Variants in STX7 observed in about 807,000 individuals in gnomAD.
The protein encoded by STX7 is syntaxin 7, also known as syntaxin-7.
Under a neutral mutation model 39.6 loss-of-function variants are expected in STX7, and 34 were observed. The observed-to-expected ratio is 0.86, with a 90% CI of 0.65 to 1.14. The LOEUF (loss-of-function observed/expected upper bound fraction) is 1.14. Among genes scored for constraint, STX7 ranks in the 50% most tolerant of loss-of-function variants. The pLI is 0.00. For missense variants in STX7, 284 were observed against 310.4 expected, an observed-to-expected ratio of 0.92 and a Z score of 0.64; for synonymous variants, 119 against 99.1, an observed-to-expected ratio of 1.20 and a Z score of -1.19.
rs1280258429 is a variant in STX7, at chr6:132,460,586, A to G, written c.*172T>C. 4 of 455,446 alleles carry G rather than the reference A, an allele frequency of 8.8e-6. No homozygotes were observed. The highest frequency in any genetic ancestry group is 1.5e-5 in the Non-Finnish European group (4 of 262,248). 28.2% of individuals were successfully genotyped at this position (455,446 alleles called of 1,614,324 possible). ...ATTTAGAAAATCTTTCAGTATTAGA[A>G]AATATCAGATTTAATCCAAAGGAAC... On this transcript the variant is annotated 3_prime_UTR_variant, in exon 10 of 10. Coordinates refer to ENST00000367941, the MANE Select transcript of STX7 (RefSeq NM_003569.3).
At position 132,513,034 on chromosome 6, in the gene STX7, C is replaced by A. The variant is rs895616541; in HGVS notation, c.-86G>T. On this transcript the variant is annotated 5_prime_UTR_variant, in exon 1 of 10. It adds an upstream start codon to the 5' untranslated region. Transcript: ENST00000367941. ...GGACCTCCACGGCTCCCTCCTACAC[C>A]TCCGACCGCCGTCACCCACCTACCC... 6.6e-6 allele frequency: 1 copy of A among 152,324 alleles called. No individual in the cohort carries two copies. The highest frequency in any genetic ancestry group is 1.5e-5 in the Non-Finnish European group (1 of 68,094). The allele number at this position is 152,324 out of a possible 1,614,324, so 9.4% of individuals were successfully genotyped here. A position where few individuals can be genotyped will look rare whatever the true frequency, so the allele number is the denominator to read the frequency against.
intron 1 of STX7, 83 bp from the exon 2 acceptor site, chr6:132,503,671 G>A: frequency 7.0e-6 from 4 of 574,968 alleles, no homozygotes; most frequent in Admixed American, 3.3e-5. Flanking sequence ...GAAGTTACAA[G>A]GACAAACTTG....
chr6:132,494,086 G>A (rs1313118898), intron 2 of STX7, among the ~76,000 whole-genome samples: 1 of 152,208 alleles, frequency 6.6e-6, no homozygotes, highest in Non-Finnish European at 1.5e-5. Context: ...AGAGAACTCA[G>A]AGGATTCATT....
Position 132,457,751 on chromosome 6 carries a change from C to A in STX7, c.*3007G>T, listed in dbSNP as rs1314071165. ...CATATTTAAATGAACTTGAAAATGT[C>A]ATTCAACTCAAATCCCTCAATCAAC... On this transcript the variant is annotated 3_prime_UTR_variant, in exon 10 of 10. Transcript: ENST00000367941. 6.6e-6 allele frequency: 1 copy of A among 152,082 alleles called. No individual in the cohort carries two copies. Among genetic ancestry groups the A allele is most frequent in the Non-Finnish European group, 1.5e-5 (1 of 68,022 alleles). The allele number at this position is 152,082 out of a possible 1,614,324, so 9.4% of individuals were successfully genotyped here.
chr6:132,459,647 T>C lies in STX7; in HGVS notation c.*1111A>G, dbSNP rs1460735773. ...GTACCGAGCTGCTATACAAGAACAT[T>C]ATAAAATACAAAGTATAAACTAAGA... On this transcript the variant is annotated 3_prime_UTR_variant, in exon 10 of 10. Transcript: ENST00000367941. 2 of 152,206 alleles carry C rather than the reference T, an allele frequency of 1.3e-5. No individual in the cohort carries two copies. Among genetic ancestry groups the C allele is most frequent in the Non-Finnish European group, 2.9e-5 (2 of 68,028 alleles). The allele number at this position is 152,206 out of a possible 1,614,324, so 9.4% of individuals were successfully genotyped here.
chr6:132,470,100 T>C, intron 6 of STX7, 53 bp from the exon 7 acceptor site: 2 of 1,306,254 alleles, frequency 1.5e-6, no homozygotes, highest in Non-Finnish European at 2.1e-6. Context: ...TTCAAAACAA[T>C]GGGACTCATT....
chr6:132,461,955 T>A, intron 9 of STX7: 1 of 1,181,154 alleles, frequency 8.5e-7, no homozygotes, highest in Non-Finnish European at 1.2e-6. Context: ...GAAATTACAC[T>A]GAAAACCATA....
intron 7 of STX7, among the ~76,000 whole-genome samples, chr6:132,468,716 G>A (rs950523943): frequency 4.8e-5 from 7 of 146,610 alleles, no homozygotes; most frequent in African/African-American, 1.2e-4. Flanking sequence ...CCAAGTGAGC[G>A]AGGCAGGATG....
Position 132,469,985 on chromosome 6 carries a change from A to G in STX7, c.503T>C (p.Ile168Thr), listed in dbSNP as rs1379593472. Reference protein sequence around the residue: ...EEITEDDLRLIHERESSIRQL... With the variant: ...EEITEDDLRLTHERESSIRQL... ...CCTGATAGAAGATTCTCTCTCATGA[A>G]TAAGACGGAGGTCATCCTCTGTAAT... is the stretch of plus-strand genomic sequence containing the variant. The change falls in exon 7 of 10, where the codon ATT becomes ACT. Residue 168 changes from isoleucine to threonine, a missense_variant. Coordinates refer to ENST00000367941, the MANE Select transcript of STX7 (RefSeq NM_003569.3). The G allele has an allele frequency of 6.2e-7, 1 of 1,601,406 alleles. No individual in the cohort carries two copies. The highest frequency in any genetic ancestry group is 1.4e-5 in the African/African-American group (1 of 73,890).
chr6:132,510,191 C>A (rs987833506), intron 1 of STX7, among the ~76,000 whole-genome samples: 3 of 152,146 alleles, frequency 2.0e-5, no homozygotes, highest in Admixed American at 1.3e-4. Context: ...CAATTAATTA[C>A]AATTTATTGC....
intron 2 of STX7, among the ~76,000 whole-genome samples, chr6:132,479,565 C>T (rs1488979215): frequency 1.3e-5 from 2 of 152,154 alleles, no homozygotes; most frequent in South Asian, 2.1e-4. Context: ...TTTTGCTCTA[C>T]GTATGTCAGT....
chr6:132,493,370 T>C (rs1490661881), intron 2 of STX7, among the ~76,000 whole-genome samples: 1 of 152,108 alleles, frequency 6.6e-6, no homozygotes, highest in Non-Finnish European at 1.5e-5. Context: ...CCAAACCACA[T>C]CTTGAATTGT....
chr6:132,499,952 T>C (rs897322892), intron 2 of STX7, among the ~76,000 whole-genome samples: 2 of 152,180 alleles, frequency 1.3e-5, no homozygotes, highest in African/African-American at 4.8e-5. Context: ...GGTTGCTCAA[T>C]GCAAAAACTA....
rs1260398005 is a variant in STX7, at chr6:132,458,798, TA to T, written c.*1959del. ...TGTTTCTTAAACAAATTGAAGCCAC[TA>T]AAGTTCCTGTTTAAACCACTGATAA... On this transcript the variant is annotated 3_prime_UTR_variant, in exon 10 of 10. Transcript: ENST00000367941. 1 of 152,216 alleles carries T rather than the reference TA, an allele frequency of 6.6e-6. No homozygotes were observed. The highest frequency in any genetic ancestry group is 2.4e-5 in the African/African-American group (1 of 41,466). The allele number at this position is 152,216 out of a possible 1,614,324, so 9.4% of individuals were successfully genotyped here. A position where few individuals can be genotyped will look rare whatever the true frequency, so the allele number is the denominator to read the frequency against.
At position 132,457,957 on chromosome 6, in the gene STX7, A is replaced by T. The variant is rs1774286199; in HGVS notation, c.*2801T>A. ...AGTTTTATATTTTATTATGACATTC[A>T]TTTTTTCTACATGAAGACACAAATA... is the stretch of plus-strand genomic sequence containing the variant. On this transcript the variant is annotated 3_prime_UTR_variant, in exon 10 of 10. Coordinates refer to ENST00000367941, the MANE Select transcript of STX7 (RefSeq NM_003569.3). 6.6e-6 allele frequency: 1 copy of T among 152,166 alleles called. No individual in the cohort carries two copies. The highest frequency in any genetic ancestry group is 2.4e-5 in the African/African-American group (1 of 41,444). 9.4% of individuals were successfully genotyped at this position (152,166 alleles called of 1,614,324 possible). A position where few individuals can be genotyped will look rare whatever the true frequency, so the allele number is the denominator to read the frequency against.
intron 1 of STX7, among the ~76,000 whole-genome samples, chr6:132,505,967 A>G (rs976592788): frequency 1.3e-5 from 2 of 152,010 alleles, no homozygotes; most frequent in African/African-American, 4.8e-5. Flanking sequence ...TCTTTTTGAC[A>G]AAGTTGACAA....
rs1235271052 is a variant in STX7 at position 132,454,962 on chromosome 6, T to C, written c.*5796A>G. 1 of 152,152 alleles carries C rather than the reference T, an allele frequency of 6.6e-6. No homozygotes were observed. Among genetic ancestry groups the C allele is most frequent in the African/African-American group, 2.4e-5 (1 of 41,450 alleles). 9.4% of individuals were successfully genotyped at this position (152,152 alleles called of 1,614,324 possible). Reference sequence around the variant, plus strand: ...ATTAAATCTGGCCCTGGGAAGAGGTTGGATGTGGCCTGAGGCACATTGAAA... The same window carrying C: ...ATTAAATCTGGCCCTGGGAAGAGGTCGGATGTGGCCTGAGGCACATTGAAA... On this transcript the variant is annotated 3_prime_UTR_variant, in exon 10 of 10. Transcript: ENST00000367941.
At chr6:132,489,601 G>A (rs1424336793) in intron 2 of STX7, among the ~76,000 whole-genome samples, 1 of 152,130 alleles carries the variant, frequency 6.6e-6, no homozygotes, top group African/African-American at 2.4e-5. Context: ...CTGCAGAGAC[G>A]AGAAAGTGTG....
At chr6:132,468,971 T>C (rs1202105621) in intron 7 of STX7, among the ~76,000 whole-genome samples, 1 of 152,240 alleles carries the variant, frequency 6.6e-6, no homozygotes, top group African/African-American at 2.4e-5. Context: ...GAAATGTCAC[T>C]ACTGAATAAA....
Sources: allele counts gnomAD v4.1 joint callset (sites outside exome capture counted in the v4.1 genomes callset), GRCh38; gene constraint gnomAD v4.1.1; transcripts MANE v1.5; gene names NCBI Gene and HGNC (gene_info 2026-07-23, HGNC 2026-07-21).